NT5C3A: variants seen among roughly 807,000 people sequenced by gnomAD.
NT5C3A encodes the protein cytosolic 5'-nucleotidase 3A.
Under a neutral mutation model 40.0 loss-of-function variants are expected in NT5C3A, and 23 were observed. That is an observed-to-expected ratio of 0.58 (90% CI 0.41 to 0.81). NT5C3A has a LOEUF of 0.81. NT5C3A is among the 40% of genes least tolerant of loss of function. NT5C3A has a pLI of 0.00. For synonymous variants in NT5C3A, 130 were observed against 141.4 expected (o/e 0.92, Z 0.57); for missense variants, 328 against 403.0 (o/e 0.81, Z 1.59).
At chr7:33,062,198 GAGA>G (rs1378021692) in intron 1 of NT5C3A, among the ~76,000 whole-genome samples, 2 of 152,174 alleles carry the variant, frequency 1.3e-5, no homozygotes, top group Admixed American at 6.6e-5. Context: ...AAGGCAGGGA[GAGA>G]AGGAGCCACC....
At position 33,026,932 on chromosome 7, in the gene NT5C3A, A is replaced by C. The variant is rs1234144152; in HGVS notation, c.139-17T>G. 1 of 1,539,332 alleles carries C rather than the reference A, an allele frequency of 6.5e-7. No individual in the cohort carries two copies. The stretch of plus-strand genomic sequence containing the variant: ...TTCTGGCATCTAAAAGTAAAAGAAA[A>C]TTAATTAATTAGTTTTCATTCTTCT... On this transcript the variant is annotated splice_polypyrimidine_tract_variant and intron_variant, in intron 1 of 8. Transcript: ENST00000610140.
intron 1 of NT5C3A, among the ~76,000 whole-genome samples, chr7:33,041,915 G>A (rs182936784): frequency 7.9e-5 from 12 of 152,050 alleles, no homozygotes; most frequent in Admixed American, 5.9e-4. Context: ...TTTTATTATC[G>A]GCTTTCTCTC....
chr7:33,062,343 G>A (rs1787812082), intron 1 of NT5C3A, among the ~76,000 whole-genome samples: 1 of 152,212 alleles, frequency 6.6e-6, no homozygotes, highest in South Asian at 2.1e-4. Context: ...GCCAAGGGCC[G>A]CAGCCGGGGA....
intron 1 of NT5C3A, among the ~76,000 whole-genome samples, chr7:33,050,671 T>G (rs1217559416): frequency 6.6e-6 from 1 of 152,192 alleles, no homozygotes; most frequent in Non-Finnish European, 1.5e-5. Context: ...ATGAAGCAAC[T>G]CTTTAATGAA....
rs150668054 is a variant in NT5C3A, at chr7:33,053,025, C to A, written c.138+9543G>T. On this transcript the variant is annotated intron_variant, in intron 1 of 8. Coordinates refer to ENST00000610140, the MANE Select transcript of NT5C3A (RefSeq NM_001002010.5). ...GTTGTCATGGTTTATATAACCAGCT[C>A]TTAGGAGCCTTAGCCAGGTTGTAAA... Among the ~76,000 whole-genome samples the A allele has an allele frequency of 3.8e-4, 58 of 152,280 alleles. No homozygotes were observed. In the East Asian group the frequency reaches 9.6e-3, roughly 25 times the overall value.
Position 33,015,806 on chromosome 7 carries a change from C to T in NT5C3A, c.758G>A (p.Arg253Lys). 6.2e-7 allele frequency: 1 copy of T among 1,610,696 alleles called. No homozygotes were observed. The highest frequency in any genetic ancestry group is 8.5e-7 in the Non-Finnish European group (1 of 1,176,918). ...HVFNKHDGAL[R>K]NTEYFNQLKD... ...TAGTTGATTGAAATATTCTGTATTC[C>T]TCAAGGCACCATCATGTTTGTTAAA... Residue 253 changes from arginine to lysine, a missense_variant, in exon 8 of 9, where the codon AGG becomes AAG. This residue lies in a region of NT5C3A where 280 missense variants were observed against 317.2 expected (regional missense o/e 0.88). Transcript: ENST00000610140.
At chr7:33,060,369 CTTTTTTTTTTTTTT>C (rs3082829) in intron 1 of NT5C3A, among the ~76,000 whole-genome samples, 275 of 78,510 alleles carry the variant, frequency 3.5e-3, no homozygotes, top group African/African-American at 0.014. Flanking sequence ...TGCTTTCCTT[CTTTTTTTTTTTTTT>C]TTTTTTTTTT....
intron 7 of NT5C3A, among the ~76,000 whole-genome samples, chr7:33,016,147 G>A (rs1785314176): frequency 6.6e-6 from 1 of 151,952 alleles, no homozygotes; most frequent in South Asian, 2.1e-4. Flanking sequence ...AGGCCAAGGA[G>A]GACAGATCAC....
At chr7:33,039,988 A>G (rs1243648265) in intron 1 of NT5C3A, among the ~76,000 whole-genome samples, 1 of 152,150 alleles carries the variant, frequency 6.6e-6, no homozygotes, top group Admixed American at 6.5e-5. Flanking sequence ...TACCTCTAAT[A>G]TCTAATAGCA....
chr7:33,038,863 TG>T (rs1157041255), intron 1 of NT5C3A: 1 of 456,578 alleles, frequency 2.2e-6, no homozygotes, highest in Admixed American at 2.3e-5. Flanking sequence ...GAAGAGTTGC[TG>T]GAAAAAACAC....
At position 33,040,626 on chromosome 7, in the gene NT5C3A, G is replaced by T. The variant is rs6948212; in HGVS notation, c.139-13711C>A. ...ACTTTGCTTTTTCTCAACATCTACA[G>T]GTGAAACAAGAAGCTCTTAAAATTA... On this transcript the variant is annotated intron_variant, in intron 1 of 8. Coordinates refer to ENST00000610140, the MANE Select transcript of NT5C3A (RefSeq NM_001002010.5). 0.72 allele frequency among the ~76,000 whole-genome samples: 110,258 copies of T among 152,102 alleles called. 40,227 individuals carry two copies. Among genetic ancestry groups the T allele is most frequent in the African/African-American group, 0.79 (32,645 of 41,500 alleles).
chr7:33,027,177 C>T, intron 1 of NT5C3A: 2 of 396,468 alleles, frequency 5.0e-6, no homozygotes, highest in Non-Finnish European at 9.4e-6. Context: ...TCAAATGATC[C>T]TCCCATCTCA....
chr7:33,016,060 A>AT, intron 7 of NT5C3A, 190 bp from the exon 8 acceptor site: 1 of 584,312 alleles, frequency 1.7e-6, no homozygotes. Context: ...GAAGTAAATG[A>AT]TTTTTTAGAT....
At chr7:33,041,219 T>C in intron 1 of NT5C3A, 3 of 808,308 alleles carry the variant, frequency 3.7e-6, no homozygotes, top group Non-Finnish European at 4.5e-6. Flanking sequence ...GGTTTGTCAG[T>C]GGTTTGTCAG....
chr7:33,049,906 C>T (rs1787299930), intron 1 of NT5C3A, among the ~76,000 whole-genome samples: 1 of 143,566 alleles, frequency 7.0e-6, no homozygotes, highest in Non-Finnish European at 1.5e-5. Context: ...GGAGATGGAG[C>T]TTGCAGTGAG....
At chr7:33,042,287 G>A (rs1786958340) in intron 1 of NT5C3A, among the ~76,000 whole-genome samples, 2 of 151,712 alleles carry the variant, frequency 1.3e-5, no homozygotes, top group Non-Finnish European at 2.9e-5. Flanking sequence ...CTGAGATTGC[G>A]CCACTGCACT....
chr7:33,062,673 C>G lies in NT5C3A; in HGVS notation c.33G>C (p.Ala11=), dbSNP rs1283587174. MDRAAVARVG[A]VASASVCALV... ...GGGCGCACACGCTGGCGCTCGCTAC[C>G]GCGCCCACCCTCGCCACGGCCGCGC... Residue 11 remains alanine, a synonymous_variant, in exon 1 of 9, where the codon GCG becomes GCC. Coordinates refer to ENST00000610140, the MANE Select transcript of NT5C3A (RefSeq NM_001002010.5). 2 of 1,580,294 alleles carry G rather than the reference C, an allele frequency of 1.3e-6. No individual in the cohort carries two copies. The highest frequency in any genetic ancestry group is 2.4e-5 in the East Asian group (1 of 42,300).
At chr7:33,040,912 T>C (rs1222255177) in intron 1 of NT5C3A, 2 of 985,286 alleles carry the variant, frequency 2.0e-6, no homozygotes, top group Middle Eastern at 5.2e-4. Flanking sequence ...AAAAGAAAAT[T>C]CTTCCTGTCT....
Position 33,017,444 on chromosome 7 carries a change from C to A in NT5C3A, c.688G>T (p.Glu230Ter). 6.2e-7 allele frequency: 1 copy of A among 1,602,998 alleles called. No homozygotes were observed. The highest frequency in any genetic ancestry group is 8.5e-7 in the Non-Finnish European group (1 of 1,170,388). ...KVVSNFMDFDETGVLKGFKGE... is the reference protein window; with the variant it reads ...KVVSNFMDFD ...GAACGATTTGATATTCTTACAGTTTCATCAAAATCCATAAAATTGGACACA... is the reference window on the plus strand; with the variant it reads ...GAACGATTTGATATTCTTACAGTTTAATCAAAATCCATAAAATTGGACACA... Residue 230 changes from glutamate (E) to a stop codon, truncating the protein, a stop_gained, in exon 7 of 9, where the codon GAA (glutamate) becomes TAA (stop). Transcript: ENST00000610140. LOFTEE classifies it high-confidence loss of function.
Sources: allele counts gnomAD v4.1 joint callset (sites outside exome capture counted in the v4.1 genomes callset), GRCh38; gene constraint gnomAD v4.1.1; regional missense constraint gnomAD v4.1.1; transcripts MANE v1.5; gene names NCBI Gene and HGNC (gene_info 2026-07-23, HGNC 2026-07-21).